Variants in CYP4Z1 observed in about 807,000 individuals in gnomAD.
CYP4Z1 encodes cytochrome P450 4Z1.
In CYP4Z1, 41 loss-of-function variants were observed where a neutral mutation model predicts 54.2. That is an observed-to-expected ratio of 0.76 (90% CI 0.59 to 0.98). The LOEUF (loss-of-function observed/expected upper bound fraction) is 0.98. CYP4Z1 is among the 50% of genes least tolerant of loss of function. The pLI is 0.00. For synonymous variants in CYP4Z1, 163 were observed against 206.2 expected, an observed-to-expected ratio of 0.79 and a Z score of 1.79; for missense variants, 513 against 599.0, an observed-to-expected ratio of 0.86 and a Z score of 1.50.
chr1:47,073,598 T>G (rs2148525712), intron 2 of CYP4Z1, among the ~76,000 whole-genome samples: 1 of 152,244 alleles, frequency 6.6e-6, no homozygotes, highest in African/African-American at 2.4e-5. Context: ...CGCCTCAGCC[T>G]CCCAAAGTGC....
chr1:47,113,106 G>A (rs1196738250), intron 9 of CYP4Z1, among the ~76,000 whole-genome samples: 2 of 151,980 alleles, frequency 1.3e-5, no homozygotes, highest in Admixed American at 6.6e-5. Flanking sequence ...CCATTTTAAG[G>A]TACAAGCCCA....
At chr1:47,113,982 C>T (rs1216966364) in intron 9 of CYP4Z1, among the ~76,000 whole-genome samples, 13 of 152,210 alleles carry the variant, frequency 8.5e-5, no homozygotes, top group Middle Eastern at 3.4e-3. Context: ...GAGTCCGCAT[C>T]GCCAAGTCAA....
At chr1:47,065,089 C>G (rs1369339826), upstream of CYP4Z1, among the ~76,000 whole-genome samples, 1 of 152,134 alleles carries the variant, frequency 6.6e-6, no homozygotes, top group African/African-American at 2.4e-5. Flanking sequence ...TAGTGGGGGA[C>G]TTTAATACTC....
chr1:47,073,936 C>T (rs1235643835), intron 2 of CYP4Z1, among the ~76,000 whole-genome samples: 1 of 152,088 alleles, frequency 6.6e-6, no homozygotes, highest in Non-Finnish European at 1.5e-5. Context: ...TACACAAAAG[C>T]TTTTCATTTT....
chr1:47,083,969 G>A (rs548674929), intron 4 of CYP4Z1, among the ~76,000 whole-genome samples: 4 of 152,040 alleles, frequency 2.6e-5, no homozygotes, highest in Non-Finnish European at 4.4e-5. Context: ...ACATTACAGA[G>A]TTAATAACAG....
chr1:47,068,995 T>A (rs569377669), intron 2 of CYP4Z1, among the ~76,000 whole-genome samples: 2 of 152,268 alleles, frequency 1.3e-5, no homozygotes, highest in African/African-American at 4.8e-5. Context: ...CATGGCAAAT[T>A]TTTTCTGATG....
intron 9 of CYP4Z1, among the ~76,000 whole-genome samples, chr1:47,111,132 T>A (rs1172108944): frequency 6.6e-6 from 1 of 152,160 alleles, no homozygotes; most frequent in Non-Finnish European, 1.5e-5. Flanking sequence ...AAGCCACAAT[T>A]CATCATGAAC....
chr1:47,063,581 A>C (rs1036116319), upstream of CYP4Z1, among the ~76,000 whole-genome samples: 3 of 151,950 alleles, frequency 2.0e-5, no homozygotes, highest in Non-Finnish European at 2.9e-5. Flanking sequence ...ACACACACTT[A>C]CAGAAATGCA....
chr1:47,103,605 T>C (rs1482099149), intron 8 of CYP4Z1, among the ~76,000 whole-genome samples: 20 of 148,916 alleles, frequency 1.3e-4, no homozygotes, highest in African/African-American at 4.9e-4. Context: ...CTTTTTTTTT[T>C]TTTTTTTAGA....
intron 6 of CYP4Z1, among the ~76,000 whole-genome samples, chr1:47,089,539 C>G (rs2742094): frequency 6.0e-3 from 813 of 135,172 alleles, no homozygotes; most frequent in East Asian, 0.046. Flanking sequence ...ACCTAATGGA[C>G]GCAAACCAAT....
At chr1:47,063,304 C>A (rs1192715981), upstream of CYP4Z1, among the ~76,000 whole-genome samples, 1 of 151,996 alleles carries the variant, frequency 6.6e-6, no homozygotes, top group Non-Finnish European at 1.5e-5. Flanking sequence ...CAGAAAAAAA[C>A]AATTCTGGTA....
At chr1:47,086,480 C>T (rs1644595696) in intron 6 of CYP4Z1, among the ~76,000 whole-genome samples, 1 of 152,246 alleles carries the variant, frequency 6.6e-6, no homozygotes, top group Non-Finnish European at 1.5e-5. Context: ...CTGTTGGCTG[C>T]ACAAATGTCT....
upstream of CYP4Z1, among the ~76,000 whole-genome samples, chr1:47,064,144 G>A (rs931688807): frequency 4.1e-5 from 6 of 147,808 alleles, no homozygotes; most frequent in Admixed American, 2.1e-4. Flanking sequence ...GTGCAGTGGC[G>A]CGATCCCAGC....
upstream of CYP4Z1, among the ~76,000 whole-genome samples, chr1:47,064,452 C>T (rs1433842488): frequency 1.3e-5 from 2 of 152,082 alleles, no homozygotes; most frequent in African/African-American, 2.4e-5. Context: ...TGAAACTAAC[C>T]TTCATCAATG....
chr1:47,117,950 T>C lies in CYP4Z1; in HGVS notation c.*16T>C. 9 of 1,611,096 alleles carry C rather than the reference T, an allele frequency of 5.6e-6. No homozygotes were observed. Among genetic ancestry groups the C allele is most frequent in the Non-Finnish European group, 7.6e-6 (9 of 1,178,260 alleles). On this transcript the variant is annotated 3_prime_UTR_variant, in exon 12 of 12. Transcript: ENST00000334194. ...AGTTTGCTAATTTTAAGTCCTTTCG[T>C]ATAAGAATTAATGAGACAATTTTCC... is the stretch of plus-strand genomic sequence containing the variant.
chr1:47,079,884 A>G (rs1644551086), intron 2 of CYP4Z1, among the ~76,000 whole-genome samples: 1 of 141,390 alleles, frequency 7.1e-6, no homozygotes, highest in African/African-American at 2.7e-5. Flanking sequence ...AGAGAGAGAG[A>G]GAGAGAATAC....
chr1:47,057,335 A>AAAAAAT, the CYP4Z1 span, among the ~76,000 whole-genome samples: 4 of 28,490 alleles, frequency 1.4e-4, no homozygotes, highest in African/African-American at 2.7e-4. Context: ...AAGAAAAAAA[A>AAAAAAT]ATATATATAT....
At chr1:47,104,362 G>A (rs1557632390) in intron 8 of CYP4Z1, among the ~76,000 whole-genome samples, 1 of 152,190 alleles carries the variant, frequency 6.6e-6, no homozygotes, top group Non-Finnish European at 1.5e-5. Flanking sequence ...GAGCATGCCC[G>A]TTCTTGGGCA....
chr1:47,099,269 G>A lies in CYP4Z1; in HGVS notation c.1052G>A (p.Gly351Glu), dbSNP rs371837744. The A allele has an allele frequency of 3.1e-6, 5 of 1,608,420 alleles. No homozygotes were observed. The highest frequency in any genetic ancestry group is 1.7e-4 in the Middle Eastern group (1 of 6,038). ...RDEIRELLGDGSSITWEHLSQ... is the reference protein window; with the variant it reads ...RDEIRELLGDESSITWEHLSQ... ...GAAATCAGGGAACTCCTAGGGGATGGGTCTTCTATTACCTGGTAAGACCTG... is the reference window on the plus strand; with the variant it reads ...GAAATCAGGGAACTCCTAGGGGATGAGTCTTCTATTACCTGGTAAGACCTG... Residue 351 changes from glycine to glutamate, a missense_variant, in exon 8 of 12, where the codon GGG becomes GAG. Gly to Glu is a moderately conservative substitution (Grantham distance 98). Transcript: ENST00000334194.
Sources: allele counts gnomAD v4.1 joint callset (sites outside exome capture counted in the v4.1 genomes callset), GRCh38; gene constraint gnomAD v4.1.1; transcripts MANE v1.5; gene names NCBI Gene and HGNC (gene_info 2026-07-23, HGNC 2026-07-21).